Variants in CHRM3 observed in about 807,000 individuals in gnomAD.
The protein encoded by CHRM3 is muscarinic acetylcholine receptor M3.
A neutral mutation model predicts 41.8 loss-of-function variants in CHRM3; 11 were observed. The ratio of observed to expected loss-of-function variants is 0.26; its 90% CI spans 0.17 to 0.44. CHRM3 has a LOEUF of 0.44. Among genes scored for constraint, CHRM3 ranks in the 20% least tolerant of loss-of-function variants. CHRM3 has a pLI of 1.00. For synonymous variants in CHRM3, 297 were observed against 301.4 expected (o/e 0.99, Z 0.15); for missense variants, 571 against 745.4 (o/e 0.77, Z 2.72).
intron 4 of CHRM3, among the ~76,000 whole-genome samples, chr1:239,636,076 CA>C (rs1290413775): frequency 1.3e-5 from 2 of 152,150 alleles, no homozygotes; most frequent in African/African-American, 4.8e-5. Flanking sequence ...GATCTTTACT[CA>C]GTGGCATTTC....
intron 5 of CHRM3, among the ~76,000 whole-genome samples, chr1:239,747,627 G>C (rs1219584442): frequency 6.6e-6 from 1 of 152,170 alleles, no homozygotes; most frequent in Non-Finnish European, 1.5e-5. Flanking sequence ...AAAAAATAGA[G>C]CACAGAATTC....
chr1:239,554,729 CTTTTTT>C (rs750207504), intron 3 of CHRM3, among the ~76,000 whole-genome samples: 8 of 122,984 alleles, frequency 6.5e-5, no homozygotes, highest in Non-Finnish European at 1.2e-4. Flanking sequence ...GTATTTCTTT[CTTTTTT>C]TTTTTTTTTT....
chr1:239,705,496 C>T (rs768174397), intron 5 of CHRM3: 21 of 152,280 alleles, frequency 1.4e-4, no homozygotes, highest in Middle Eastern at 3.4e-3. Context: ...CCATGTCTGC[C>T]GCCTGGCTTC....
chr1:239,548,852 A>G (rs184582174), intron 3 of CHRM3, among the ~76,000 whole-genome samples: 3 of 152,358 alleles, frequency 2.0e-5, no homozygotes, highest in Admixed American at 6.5e-5. Context: ...TAATAAAAGG[A>G]AAAAAGCAAG....
intron 1 of CHRM3, among the ~76,000 whole-genome samples, chr1:239,489,327 G>A (rs958046608): frequency 5.9e-5 from 9 of 151,942 alleles, no homozygotes; most frequent in East Asian, 3.9e-4. Context: ...CAGGAGAATC[G>A]CTTGAACCTG....
chr1:239,738,028 A>G (rs1268884874), intron 5 of CHRM3, among the ~76,000 whole-genome samples: 1 of 152,196 alleles, frequency 6.6e-6, no homozygotes, highest in African/African-American at 2.4e-5. Context: ...AAAAAACTGA[A>G]ATAATTACTT....
At chr1:239,552,931 G>A (rs1262280930) in intron 3 of CHRM3, among the ~76,000 whole-genome samples, 1 of 151,806 alleles carries the variant, frequency 6.6e-6, no homozygotes, top group Non-Finnish European at 1.5e-5. Context: ...TCTTTTTAAC[G>A]AAAAGACTTC....
chr1:239,675,834 C>G (rs1201359213), intron 4 of CHRM3, among the ~76,000 whole-genome samples: 3 of 152,008 alleles, frequency 2.0e-5, no homozygotes, highest in Non-Finnish European at 2.9e-5. Flanking sequence ...CTAAGCAGTT[C>G]CACTTTAGGA....
chr1:239,740,341 T>C (rs928852014), intron 5 of CHRM3, among the ~76,000 whole-genome samples: 10 of 146,498 alleles, frequency 6.8e-5, no homozygotes, highest in Non-Finnish European at 1.3e-4. Flanking sequence ...AAATTGTTTC[T>C]TTTTTTTTTC....
At chr1:239,544,794 A>G (rs991948356) in intron 2 of CHRM3, among the ~76,000 whole-genome samples, 3 of 152,250 alleles carry the variant, frequency 2.0e-5, no homozygotes, top group African/African-American at 7.2e-5. Flanking sequence ...TGGGAGACAG[A>G]GAACCAATGA....
chr1:239,517,620 A>G (rs530544409), intron 2 of CHRM3, among the ~76,000 whole-genome samples: 1 of 152,324 alleles, frequency 6.6e-6, no homozygotes, highest in Admixed American at 6.5e-5. Context: ...GGTCAAAAGT[A>G]TCTTTCAGAC....
At chr1:239,532,290 C>T (rs1657679906) in intron 2 of CHRM3, among the ~76,000 whole-genome samples, 1 of 145,882 alleles carries the variant, frequency 6.9e-6, no homozygotes, top group Non-Finnish European at 1.5e-5. Flanking sequence ...GGATTACAGG[C>T]GTGAGCCACC....
chr1:239,784,425 G>A (rs1331652259), intron 5 of CHRM3, among the ~76,000 whole-genome samples: 2 of 151,138 alleles, frequency 1.3e-5, no homozygotes, highest in Admixed American at 6.6e-5. Flanking sequence ...TTATTTTTTA[G>A]TGGTCGCCTT....
chr1:239,560,364 T>G (rs1325044212), intron 3 of CHRM3, among the ~76,000 whole-genome samples: 1 of 152,076 alleles, frequency 6.6e-6, no homozygotes, highest in African/African-American at 2.4e-5. Context: ...ATCTTAAAAA[T>G]ACAAAAAATG....
chr1:239,887,853 G>A (rs1678203995), intron 6 of CHRM3, among the ~76,000 whole-genome samples: 1 of 152,122 alleles, frequency 6.6e-6, no homozygotes, highest in African/African-American at 2.4e-5. Context: ...GAGCAATGGT[G>A]TTTTATATTC....
chr1:239,436,249 G>T (rs1337670039), intron 1 of CHRM3, among the ~76,000 whole-genome samples: 1 of 152,074 alleles, frequency 6.6e-6, no homozygotes, highest in Non-Finnish European at 1.5e-5. Context: ...TAATTAAAAA[G>T]GTACCACTTT....
chr1:239,651,985 GTTT>G (rs56096731), intron 4 of CHRM3, among the ~76,000 whole-genome samples: 47,024 of 140,276 alleles, frequency 0.34, 7,449 homozygotes, highest in South Asian at 0.37. Flanking sequence ...GCCAGTTTTT[GTTT>G]TTTTTTTTTT....
At chr1:239,900,623 G>T (rs1235301088) in intron 6 of CHRM3, among the ~76,000 whole-genome samples, 1 of 152,014 alleles carries the variant, frequency 6.6e-6, no homozygotes, top group Non-Finnish European at 1.5e-5. Context: ...GATATGAATA[G>T]ATTGGGGAGC....
intron 6 of CHRM3, among the ~76,000 whole-genome samples, chr1:239,859,373 C>T (rs1319396504): frequency 2.0e-5 from 3 of 148,192 alleles, no homozygotes; most frequent in Admixed American, 1.3e-4. Context: ...AGTTGAGCAT[C>T]TTTTTATGGA....
Sources: gnomAD v4.1 joint callset for allele counts (sites outside exome capture counted in the v4.1 genomes callset) on GRCh38, gnomAD v4.1.1 for gene constraint, MANE v1.5 for transcripts, NCBI Gene and HGNC (gene_info 2026-07-23, HGNC 2026-07-21) for gene names.